Variants in XPC observed in about 807,000 individuals in gnomAD.
XPC encodes the protein XPC complex subunit, DNA damage recognition and repair factor, also known as DNA repair protein complementing XP-C cells.
A neutral mutation model predicts 95.8 loss-of-function variants in XPC; 76 were observed. The observed-to-expected ratio is 0.79, with a 90% CI of 0.66 to 0.96. XPC has a LOEUF of 0.96. Among genes scored for constraint, XPC ranks in the 40% least tolerant of loss-of-function variants. The pLI, the probability that XPC is intolerant of heterozygous loss-of-function variation, is 0.00. For synonymous variants in XPC, 442 were observed against 442.1 expected (o/e 1.00, Z 0.00); for missense variants, 1,146 against 1,179.8 (o/e 0.97, Z 0.42).
rs1696577642 is a variant in XPC, at chr3:14,170,717, CCAAATCTCAT to C, written c.300-177_300-168del. On this transcript the variant is annotated intron_variant, in intron 2 of 15. Coordinates refer to ENST00000285021, the MANE Select transcript of XPC (RefSeq NM_004628.5). ...CTCACTTCCTCCATCAACATGTGTTCCAAATCTCATCAAGATGTGCTCTGATCATCTGTCT... is the reference window on the plus strand; with the variant it reads ...CTCACTTCCTCCATCAACATGTGTTCCAAGATGTGCTCTGATCATCTGTCT... 6 of 511,720 alleles carry C rather than the reference CCAAATCTCAT, an allele frequency of 1.2e-5. No individual in the cohort carries two copies. In the East Asian group the frequency reaches 1.5e-4, roughly 13 times the overall value. 31.7% of individuals were successfully genotyped at this position (511,720 alleles called of 1,614,324 possible).
chr3:14,171,738 A>C (rs921107489), intron 2 of XPC, among the ~76,000 whole-genome samples: 1 of 152,098 alleles, frequency 6.6e-6, no homozygotes, highest in African/African-American at 2.4e-5. Flanking sequence ...CAGGAGGCTC[A>C]CTTGAACCTG....
At chr3:14,153,803 T>G (rs906916104) in intron 10 of XPC, among the ~76,000 whole-genome samples, 1 of 152,210 alleles carries the variant, frequency 6.6e-6, no homozygotes, top group Non-Finnish European at 1.5e-5. Context: ...AGCTTGCCCT[T>G]TCTACCGCAC....
intron 3 of XPC, 73 bp downstream of exon 3, chr3:14,170,365 C>G: frequency 3.6e-6 from 5 of 1,400,630 alleles, no homozygotes; most frequent in Non-Finnish European, 5.0e-6. Flanking sequence ...AATTAGTGAT[C>G]TGACTCCAAA....
At chr3:14,162,136 GAAATT>G (rs1408947744) in intron 7 of XPC, among the ~76,000 whole-genome samples, 1 of 152,082 alleles carries the variant, frequency 6.6e-6, no homozygotes, top group African/African-American at 2.4e-5. Context: ...ATACAGCTGA[GAAATT>G]AAAGACAAAA....
chr3:14,172,061 C>G lies in XPC; in HGVS notation c.299+806G>C, dbSNP rs3731071. Among the ~76,000 whole-genome samples, 1,500 of 152,210 alleles carry G rather than the reference C, an allele frequency of 9.9e-3. 24 individuals carry two copies. The highest frequency in any genetic ancestry group is 0.034 in the African/African-American group (1,408 of 41,514). On this transcript the variant is annotated intron_variant, in intron 2 of 15. Coordinates refer to ENST00000285021, the MANE Select transcript of XPC (RefSeq NM_004628.5). ...CCTCTGTTCTTCCTCTTCTCCCCAC[C>G]CCTCAACTTTCTTAGGAGGCAGAAA...
At chr3:14,157,903 C>T (rs947679205) in intron 9 of XPC, 108 bp downstream of exon 9, 1 of 1,406,266 alleles carries the variant, frequency 7.1e-7, no homozygotes, top group African/African-American at 1.4e-5. Context: ...ATGAGACAAC[C>T]CATTAAAAAC....
At chr3:14,169,681 G>C (rs911353217) in intron 3 of XPC, among the ~76,000 whole-genome samples, 3 of 152,294 alleles carry the variant, frequency 2.0e-5, no homozygotes, top group African/African-American at 7.2e-5. Context: ...TAATTATTAG[G>C]AAATGCAGGC....
chr3:14,158,916 CT>C lies in XPC; in HGVS notation c.991-25del, dbSNP rs755653533. The C allele has an allele frequency of 8.1e-6, 13 of 1,612,692 alleles. No homozygotes were observed. The South Asian group carries it at 9.9e-5, about 12-fold the overall frequency. On this transcript the variant is annotated intron_variant, in intron 8 of 15. Transcript: ENST00000285021. The surrounding 1 kb of genome is among the most constrained non-coding windows in gnomAD (Gnocchi z 5.2). ...CCCTTAAACAGAATAAGAAATTTTG[CT>C]TTTTTTTCTCCCCCCTCTTTTGCTA...
At position 14,158,915 on chromosome 3, in the gene XPC, G is replaced by T. The variant is rs1409956366; in HGVS notation, c.991-23C>A. 4.3e-6 allele frequency: 7 copies of T among 1,612,868 alleles called. No homozygotes were observed. In the African/African-American group the frequency reaches 8.0e-5, roughly 18 times the overall value. ...TCCCTTAAACAGAATAAGAAATTTT[G>T]CTTTTTTTTCTCCCCCCTCTTTTGC... On this transcript the variant is annotated intron_variant, in intron 8 of 15. Transcript: ENST00000285021. This position sits in a 1 kb window ranked among gnomAD's most constrained non-coding sequence, Gnocchi z 5.2.
Position 14,145,650 on chromosome 3 carries a change from G to C in XPC, c.*291C>G. The C allele has an allele frequency of 1.4e-6, 1 of 699,344 alleles. No homozygotes were observed. The highest frequency in any genetic ancestry group is 2.6e-6 in the Non-Finnish European group (1 of 384,722). The allele number at this position is 699,344 out of a possible 1,614,324, so 43.3% of individuals were successfully genotyped here. On this transcript the variant is annotated 3_prime_UTR_variant, in exon 16 of 16. Coordinates refer to ENST00000285021, the MANE Select transcript of XPC (RefSeq NM_004628.5). ...AAGAACAGGTCTAGGAGGCAGAAGAGTATCTCCTAGCAAAGTGTTCTGTAG... is the reference window on the plus strand; with the variant it reads ...AAGAACAGGTCTAGGAGGCAGAAGACTATCTCCTAGCAAAGTGTTCTGTAG...
At chr3:14,170,351 T>C (rs1696558781) in intron 3 of XPC, 87 bp downstream of exon 3, 2 of 1,248,992 alleles carry the variant, frequency 1.6e-6, no homozygotes, top group South Asian at 1.2e-5. Context: ...AACAAAAGGA[T>C]TGCAATTAGT....
intron 7 of XPC, among the ~76,000 whole-genome samples, chr3:14,161,181 G>A (rs939534770): frequency 7.9e-5 from 12 of 152,094 alleles, no homozygotes; most frequent in Admixed American, 7.9e-4. Flanking sequence ...ATAACAGATC[G>A]AGTCAGAACT....
chr3:14,149,738 G>C (rs554668663), intron 11 of XPC: 1 of 152,352 alleles, frequency 6.6e-6, no homozygotes, highest in East Asian at 1.9e-4. Flanking sequence ...GGAATTACAG[G>C]CATGAGCCAC....
chr3:14,145,978 GCTTT>G lies in XPC; in HGVS notation c.2782_2785del (p.Lys928GlnfsTer18), dbSNP rs779556126. On this transcript the variant is annotated frameshift_variant, in exon 16 of 16. Coordinates refer to ENST00000285021, the MANE Select transcript of XPC (RefSeq NM_004628.5). LOFTEE classifies it high-confidence loss of function. Reference sequence around the variant, plus strand: ...AAATGGGAACAGGTGGGAAGCTGCTGCTTTCTTTTCCCTTTTGGTCTTCTTGGGC... The same window carrying G: ...AAATGGGAACAGGTGGGAAGCTGCTGCTTTTCCCTTTTGGTCTTCTTGGGC... The G allele has an allele frequency of 1.9e-6, 3 of 1,608,650 alleles. No homozygotes were observed. The South Asian group carries it at 3.3e-5, about 18-fold the overall frequency.
chr3:14,152,616 T>TCC, intron 10 of XPC, 200 bp from the exon 11 acceptor site: 1 of 530,908 alleles, frequency 1.9e-6, no homozygotes, highest in Non-Finnish European at 3.3e-6. Context: ...GGGGGATGTG[T>TCC]CCACTTACAA....
At chr3:14,176,617 A>G (rs940351363) in intron 1 of XPC, among the ~76,000 whole-genome samples, 1 of 152,396 alleles carries the variant, frequency 6.6e-6, no homozygotes, top group African/African-American at 2.4e-5. Context: ...GTAATATTAC[A>G]TATGAGGTAA....
intron 11 of XPC, among the ~76,000 whole-genome samples, chr3:14,150,807 G>A (rs1695657973): frequency 6.6e-6 from 1 of 152,196 alleles, no homozygotes; most frequent in African/African-American, 2.4e-5. Flanking sequence ...GGTTGCCCAA[G>A]AGAACAGGGC....
chr3:14,159,347 A>C (rs1295354463), intron 8 of XPC, among the ~76,000 whole-genome samples: 1 of 152,228 alleles, frequency 6.6e-6, no homozygotes, highest in Non-Finnish European at 1.5e-5. Context: ...ATCAGCTTCT[A>C]GACCATCAGG....
At chr3:14,152,534 A>G in intron 10 of XPC, 118 bp from the exon 11 acceptor site, 2 of 945,096 alleles carry the variant, frequency 2.1e-6, no homozygotes, top group Non-Finnish European at 3.1e-6. Flanking sequence ...ACCCTGGAGC[A>G]GGCCGAGCTC....
Sources: allele counts gnomAD v4.1 joint callset (sites outside exome capture counted in the v4.1 genomes callset), GRCh38; gene constraint gnomAD v4.1.1; non-coding constraint Gnocchi (gnomAD v3.1); transcripts MANE v1.5; gene names NCBI Gene and HGNC (gene_info 2026-07-23, HGNC 2026-07-21).